MERTK: variants seen among roughly 807,000 people sequenced by gnomAD.
MERTK encodes MER proto-oncogene, tyrosine kinase, also known as tyrosine-protein kinase Mer.
Under a neutral mutation model 99.3 loss-of-function variants are expected in MERTK, and 69 were observed. The ratio of observed to expected loss-of-function variants is 0.70; its 90% CI spans 0.57 to 0.85. The LOEUF (loss-of-function observed/expected upper bound fraction) is 0.85, where lower values mean the gene tolerates loss of function less well. Among genes scored for constraint, MERTK ranks in the 40% least tolerant of loss-of-function variants. The pLI is 0.00. For missense variants in MERTK, 1,125 were observed against 1,249.4 expected (o/e 0.90, Z 1.50); for synonymous variants, 426 against 467.6 (o/e 0.91, Z 1.15).
chr2:111,900,893 T>G (rs938509802), intron 1 of MERTK, among the ~76,000 whole-genome samples: 2 of 152,218 alleles, frequency 1.3e-5, no homozygotes, highest in African/African-American at 4.8e-5. Context: ...ACATTGTGGG[T>G]CTGAGTGCTT....
intron 2 of MERTK, chr2:111,940,500 C>G (rs879027060): frequency 1.7e-6 from 1 of 586,996 alleles, no homozygotes. Flanking sequence ...AAGCAACAGG[C>G]AAGCCCTCTT....
intron 2 of MERTK, among the ~76,000 whole-genome samples, chr2:111,929,869 G>T (rs1054477188): frequency 2.0e-5 from 3 of 151,956 alleles, no homozygotes; most frequent in African/African-American, 7.3e-5. Context: ...CCAAAGTGCT[G>T]GGATTACAGG....
At chr2:111,996,064 C>T (rs1294885440) in intron 9 of MERTK, 2 of 154,382 alleles carry the variant, frequency 1.3e-5, no homozygotes, top group African/African-American at 4.8e-5. Flanking sequence ...AATCCCGGCA[C>T]TTTCGGAGGC....
chr2:112,028,520 C>T lies in MERTK; in HGVS notation c.2656C>T (p.Gln886Ter). Residue 886 changes from glutamine (Q) to a stop codon, truncating the protein, a stop_gained, in exon 19 of 19, where the codon CAG becomes TAG. Coordinates refer to ENST00000295408, the MANE Select transcript of MERTK (RefSeq NM_006343.3). LOFTEE classifies it low-confidence loss of function (END_TRUNC). ...QLLESSEGLA[Q>*]GSTLAPLDLN... ...GCTGGAGAGCTCTGAGGGCCTGGCC[C>T]AGGGCTCCACCCTTGCTCCACTGGA... The T allele has an allele frequency of 6.2e-7, 1 of 1,614,204 alleles. No homozygotes were observed. The highest frequency in any genetic ancestry group is 2.2e-5 in the East Asian group (1 of 44,882).
intron 15 of MERTK, among the ~76,000 whole-genome samples, chr2:112,017,491 G>A (rs552919255): frequency 1.7e-4 from 26 of 152,194 alleles, no homozygotes; most frequent in South Asian, 6.2e-4. Flanking sequence ...TTACCCGGGC[G>A]TGGTGGTGCA....
chr2:111,959,422 A>T (rs1048927085), intron 4 of MERTK, among the ~76,000 whole-genome samples: 1 of 152,132 alleles, frequency 6.6e-6, no homozygotes, highest in Admixed American at 6.5e-5. Context: ...ATGAAGCATC[A>T]GTTCTCAATG....
chr2:111,977,326 A>G (rs1285504008), intron 7 of MERTK, among the ~76,000 whole-genome samples: 1 of 152,178 alleles, frequency 6.6e-6, no homozygotes, highest in African/African-American at 2.4e-5. Context: ...ATAGAACTGT[A>G]GGTTCACAAT....
rs75059563 is a variant in MERTK, at chr2:112,008,976, C to G, written c.1960+501C>G. On this transcript the variant is annotated intron_variant, in intron 14 of 18. Coordinates refer to ENST00000295408, the MANE Select transcript of MERTK (RefSeq NM_006343.3). ...AACAGTTCCATAGAACATGATTTAA[C>G]GTAATTTGGCTTTGCAGCTCCATTA... Among the ~76,000 whole-genome samples, 381 of 152,256 alleles carry G rather than the reference C, an allele frequency of 2.5e-3. 2 individuals carry two copies. Among genetic ancestry groups the G allele is most frequent in the African/African-American group, 8.8e-3 (365 of 41,530 alleles).
At chr2:111,930,904 C>T (rs72823495) in intron 2 of MERTK, among the ~76,000 whole-genome samples, 7,251 of 152,174 alleles carry the variant, frequency 0.048, 157 homozygotes, top group African/African-American at 0.058. Flanking sequence ...ATCAGGACTT[C>T]GTTGCGTGCA....
chr2:111,933,211 A>G (rs1421523030), intron 2 of MERTK, among the ~76,000 whole-genome samples: 5 of 152,230 alleles, frequency 3.3e-5, no homozygotes, highest in African/African-American at 4.8e-5. Context: ...GTCACTAGGC[A>G]GTGAGCTAGT....
chr2:111,925,275 G>GAGATATATATATAT (rs1553446636), intron 1 of MERTK, among the ~76,000 whole-genome samples: 7 of 52,176 alleles, frequency 1.3e-4, no homozygotes, highest in African/African-American at 5.7e-4. Context: ...GTACAGATCA[G>GAGATATATATATAT]ATATATATAT....
chr2:112,020,838 A>G (rs1677326706), intron 16 of MERTK, among the ~76,000 whole-genome samples: 1 of 152,092 alleles, frequency 6.6e-6, no homozygotes, highest in East Asian at 1.9e-4. Context: ...AGCTGTTTCT[A>G]TCCACTGTGC....
At chr2:111,951,522 C>CATATATATATATATCTATATATAT (rs1685054335) in intron 4 of MERTK, among the ~76,000 whole-genome samples, 1 of 85,870 alleles carries the variant, frequency 1.2e-5, no homozygotes, top group Non-Finnish European at 2.5e-5. Context: ...ATAATATTCC[C>CATATATATATATATCTATATATAT]ATATATATAT....
chr2:111,967,030 T>C (rs1416937272), intron 5 of MERTK, among the ~76,000 whole-genome samples: 1 of 152,112 alleles, frequency 6.6e-6, no homozygotes, highest in African/African-American at 2.4e-5. Flanking sequence ...GACAACTGTG[T>C]GTAGTTGTAG....
intron 1 of MERTK, among the ~76,000 whole-genome samples, chr2:111,915,706 A>T (rs978711979): frequency 1.3e-5 from 2 of 152,090 alleles, no homozygotes; most frequent in Non-Finnish European, 2.9e-5. Flanking sequence ...GACCAGTCTG[A>T]CCAACATGGT....
At chr2:111,943,409 C>T (rs1322210250) in intron 2 of MERTK, among the ~76,000 whole-genome samples, 1 of 152,116 alleles carries the variant, frequency 6.6e-6, no homozygotes, top group Non-Finnish European at 1.5e-5. Context: ...AACGGTGGCT[C>T]ATGGCTGTAA....
Position 111,953,578 on chromosome 2 carries a change from C to CTT in MERTK, c.757+6020_757+6021dup, listed in dbSNP as rs11380665. 1.6e-3 allele frequency among the ~76,000 whole-genome samples: 236 copies of CTT among 149,858 alleles called. 2 individuals carry two copies. The highest frequency in any genetic ancestry group is 4.9e-3 in the African/African-American group (202 of 40,876). On this transcript the variant is annotated intron_variant, in intron 4 of 18. Transcript: ENST00000295408. The stretch of plus-strand genomic sequence containing the variant: ...CACCAAGATCTGTACATTGTTCTCT[C>CTT]TTTTTTTTTTGTTTTGAGATGCAGT...
At chr2:111,941,295 C>T (rs554982067) in intron 2 of MERTK, among the ~76,000 whole-genome samples, 1 of 152,276 alleles carries the variant, frequency 6.6e-6, no homozygotes, top group East Asian at 1.9e-4. Context: ...AAGTGATCTG[C>T]TTCTGTTCTC....
chr2:111,965,119 A>G (rs71414618), intron 4 of MERTK, 72 bp from the exon 5 acceptor site: 19 of 1,360,152 alleles, frequency 1.4e-5, no homozygotes. Flanking sequence ...TAATACAAAG[A>G]CAACCATAGA....
Sources: allele counts gnomAD v4.1 joint callset (sites outside exome capture counted in the v4.1 genomes callset), GRCh38; gene constraint gnomAD v4.1.1; transcripts MANE v1.5; gene names NCBI Gene and HGNC (gene_info 2026-07-23, HGNC 2026-07-21).